Variants in RORA observed in about 807,000 individuals in gnomAD.
RORA encodes the protein nuclear receptor ROR-alpha.
Under a neutral mutation model 69.5 loss-of-function variants are expected in RORA, and 7 were observed. The ratio of observed to expected loss-of-function variants is 0.10; its 90% confidence interval spans 0.06 to 0.19. RORA has a LOEUF of 0.19. RORA is among the 10% of genes least tolerant of loss of function. The probability of loss-of-function intolerance (pLI) is 1.00; values close to 1 mark genes in which losing one functional copy is unlikely to be tolerated. For synonymous variants in RORA, 261 were observed against 240.8 expected, an observed-to-expected ratio of 1.08 and a Z score of -0.78; for missense variants, 457 against 663.0, an observed-to-expected ratio of 0.69 and a Z score of 3.41.
chr15:60,586,712 T>G (rs1190397499), intron 2 of RORA, among the ~76,000 whole-genome samples: 1 of 152,150 alleles, frequency 6.6e-6, no homozygotes, highest in East Asian at 1.9e-4. Flanking sequence ...ACCAGATAAC[T>G]ACTTGGCAGA....
At chr15:60,521,462 G>C (rs2066164586) in intron 3 of RORA, among the ~76,000 whole-genome samples, 1 of 152,056 alleles carries the variant, frequency 6.6e-6, no homozygotes, top group South Asian at 2.1e-4. Context: ...GCATGGTCTA[G>C]ATCTCTTGAC....
intron 1 of RORA, among the ~76,000 whole-genome samples, chr15:60,721,081 A>T (rs2071287583): frequency 6.6e-6 from 1 of 152,186 alleles, no homozygotes. Context: ...TCTCAAGTGC[A>T]ATCAATACAA....
In RORA at chr15:61,167,130, G is replaced by A. The variant is rs568322509; in HGVS notation, c.166+61923C>T. Among the ~76,000 whole-genome samples, 21 of 152,248 alleles carry A rather than the reference G, an allele frequency of 1.4e-4. No individual in the cohort carries two copies. In the South Asian group the frequency reaches 4.4e-3, roughly 32 times the overall value. ...TCTTCTTGTAATGACATCTAATCAGGCCCTGGAATCAGCTGAAACGAGAGC... is the reference window on the plus strand; with the variant it reads ...TCTTCTTGTAATGACATCTAATCAGACCCTGGAATCAGCTGAAACGAGAGC... On this transcript the variant is annotated intron_variant, in intron 1 of 10. Coordinates refer to ENST00000335670, the MANE Select transcript of RORA (RefSeq NM_134261.3).
At chr15:60,526,754 G>A (rs1377475952) in intron 3 of RORA, among the ~76,000 whole-genome samples, 1 of 152,186 alleles carries the variant, frequency 6.6e-6, no homozygotes, top group Non-Finnish European at 1.5e-5. Context: ...ATGGTGAAAA[G>A]TGGACAGAAT....
intron 1 of RORA, among the ~76,000 whole-genome samples, chr15:60,869,441 C>T (rs972658312): frequency 1.3e-5 from 2 of 152,136 alleles, no homozygotes; most frequent in South Asian, 4.1e-4. Flanking sequence ...AAGGTGGTCT[C>T]AATAATGCAG....
intron 2 of RORA, among the ~76,000 whole-genome samples, chr15:60,641,166 G>T (rs2069937473): frequency 1.3e-5 from 2 of 152,068 alleles, no homozygotes; most frequent in Admixed American, 1.3e-4. Flanking sequence ...TGCCCAGGAT[G>T]GTCTCGAACT....
At chr15:60,585,232 T>C (rs1366229920) in intron 2 of RORA, among the ~76,000 whole-genome samples, 13 of 152,240 alleles carry the variant, frequency 8.5e-5, no homozygotes, top group Admixed American at 8.5e-4. Context: ...TGTTTTACCA[T>C]TGTTTCACAC....
chr15:60,522,571 C>T (rs567588125), intron 3 of RORA, among the ~76,000 whole-genome samples: 10 of 152,078 alleles, frequency 6.6e-5, no homozygotes, highest in Admixed American at 2.0e-4. Flanking sequence ...GCCAGGTGTT[C>T]GAGACCAGCC....
intron 1 of RORA, among the ~76,000 whole-genome samples, chr15:60,826,201 C>A (rs2072953735): frequency 6.6e-6 from 1 of 152,074 alleles, no homozygotes. Flanking sequence ...CTAGTACTGG[C>A]ACATGCTTGG....
intron 6 of RORA, among the ~76,000 whole-genome samples, chr15:60,504,384 C>A (rs982833700): frequency 6.6e-6 from 1 of 151,774 alleles, no homozygotes; most frequent in Non-Finnish European, 1.5e-5. Context: ...CTGTTCCTAC[C>A]AAAAATACAA....
At chr15:61,009,291 A>G (rs1895018796) in intron 1 of RORA, among the ~76,000 whole-genome samples, 1 of 152,150 alleles carries the variant, frequency 6.6e-6, no homozygotes, top group South Asian at 2.1e-4. Context: ...ATTAAGATAG[A>G]GTAAAAATTT....
chr15:60,931,790 G>A (rs992174430), intron 1 of RORA, among the ~76,000 whole-genome samples: 15 of 152,232 alleles, frequency 9.9e-5, no homozygotes, highest in Admixed American at 8.5e-4. Flanking sequence ...TCTGCCTTAT[G>A]AGGCTGATAG....
At position 61,203,837 on chromosome 15, in the gene RORA, G is replaced by C. The variant is rs78788912; in HGVS notation, c.166+25216C>G. Among the ~76,000 whole-genome samples the C allele has an allele frequency of 3.3e-3, 503 of 152,324 alleles. 1 individual carries two copies. The highest frequency in any genetic ancestry group is 5.1e-3 in the Non-Finnish European group (350 of 68,036). On this transcript the variant is annotated intron_variant, in intron 1 of 10. Transcript: ENST00000335670. Reference sequence around the variant, plus strand: ...ATTACCTGCAAAGGAACAACAATATGACTGACAGCAAACTTATCATCCGCA... The same window carrying C: ...ATTACCTGCAAAGGAACAACAATATCACTGACAGCAAACTTATCATCCGCA...
At chr15:60,934,370 T>G (rs757563526) in intron 1 of RORA, among the ~76,000 whole-genome samples, 44 of 152,142 alleles carry the variant, frequency 2.9e-4, no homozygotes, top group Non-Finnish European at 4.1e-4. Context: ...CAGAGTCCTC[T>G]GGAGGGCTTG....
chr15:60,549,204 T>C (rs1401597836), intron 2 of RORA, among the ~76,000 whole-genome samples: 1 of 152,212 alleles, frequency 6.6e-6, no homozygotes, highest in Non-Finnish European at 1.5e-5. Context: ...GATATAACGT[T>C]AAAAAATAAC....
intron 1 of RORA, chr15:61,196,048 G>A (rs538412083): frequency 1.3e-5 from 2 of 152,274 alleles, no homozygotes; most frequent in South Asian, 4.1e-4. Context: ...AAATGACTTG[G>A]CCCCTAAGGC....
chr15:60,900,486 T>C (rs1352488336), intron 1 of RORA, among the ~76,000 whole-genome samples: 5 of 152,242 alleles, frequency 3.3e-5, no homozygotes, highest in African/African-American at 1.2e-4. Context: ...CAGAGTCAGA[T>C]AGAGCTGGGT....
chr15:60,949,835 T>TTATGTGTTTTTA (rs1473040878), intron 1 of RORA, among the ~76,000 whole-genome samples: 3 of 152,198 alleles, frequency 2.0e-5, no homozygotes. Context: ...CTGTTATGTG[T>TTATGTGTTTTTA]CACCAACGCT....
At chr15:61,167,482 A>ATTTTTTTTTTTTT (rs199752865) in intron 1 of RORA, among the ~76,000 whole-genome samples, 32 of 133,682 alleles carry the variant, frequency 2.4e-4, no homozygotes, top group African/African-American at 7.7e-4. Context: ...TTTGACCAGG[A>ATTTTTTTTTTTTT]TTTTTTTTTT....
Sources: allele counts gnomAD v4.1 joint callset (sites outside exome capture counted in the v4.1 genomes callset), GRCh38; gene constraint gnomAD v4.1.1; transcripts MANE v1.5; gene names NCBI Gene and HGNC (gene_info 2026-07-23, HGNC 2026-07-21).